Variants in CFAP70 observed in about 807,000 individuals in gnomAD.
The protein encoded by CFAP70 is cilia and flagella associated protein 70.
Under a neutral mutation model 137.6 loss-of-function variants are expected in CFAP70, and 81 were observed. That is an observed-to-expected ratio of 0.59 (90% CI 0.49 to 0.71). The LOEUF (loss-of-function observed/expected upper bound fraction) is 0.71. Ranked by LOEUF, CFAP70 falls within the 30% of genes least tolerant of loss-of-function variation. The pLI, the probability that CFAP70 is intolerant of heterozygous loss-of-function variation, is 0.00. For missense variants in CFAP70, 976 were observed against 1,226.7 expected (o/e 0.80, Z 3.05); for synonymous variants, 382 against 423.6 (o/e 0.90, Z 1.20).
rs376287551 is a variant in CFAP70 at position 73,312,367 on chromosome 10, A to T, written c.1083+106T>A. 8.5e-4 allele frequency: 644 copies of T among 760,868 alleles called. 2 individuals carry two copies. The African/African-American group carries it at 8.5e-3, about 10-fold the overall frequency. 47.1% of individuals were successfully genotyped at this position (760,868 alleles called of 1,614,324 possible). On this transcript the variant is annotated intron_variant, in intron 10 of 26. Coordinates refer to ENST00000310715, the Ensembl canonical transcript of CFAP70. ...GTATCCCAGAACTTAAAGTAAAATT[A>T]AAAAAAAATGCAAACTAACATTGAT... is the stretch of plus-strand genomic sequence containing the variant.
At chr10:73,318,378 T>G (rs59571529) in intron 9 of CFAP70, among the ~76,000 whole-genome samples, 23,316 of 152,188 alleles carry the variant, frequency 0.15, 2,926 homozygotes, top group African/African-American at 0.32. Context: ...GAAAAAATGT[T>G]ATCATATTTA....
intron 12 of CFAP70, among the ~76,000 whole-genome samples, chr10:73,306,998 A>T (rs1426666994): frequency 6.6e-6 from 1 of 152,190 alleles, no homozygotes; most frequent in East Asian, 1.9e-4. Context: ...TTGATGACAA[A>T]TGCATAAAAT....
chr10:73,332,109 C>T (rs1458967111), intron 7 of CFAP70, among the ~76,000 whole-genome samples: 1 of 152,194 alleles, frequency 6.6e-6, no homozygotes, highest in African/African-American at 2.4e-5. Context: ...CACAGAGGAT[C>T]ACAGCTGCAG....
Position 73,312,789 on chromosome 10 carries a change from G to T in CFAP70, c.913-146C>A, listed in dbSNP as rs1209066846. 4 of 696,488 alleles carry T rather than the reference G, an allele frequency of 5.7e-6. No homozygotes were observed. In the Admixed American group the frequency reaches 1.3e-4, roughly 22 times the overall value. 43.1% of individuals were successfully genotyped at this position (696,488 alleles called of 1,614,324 possible). ...GAGAAGGGACTTGAAAGACTTCATT[G>T]TATTTCCCTCCTTCTAGAACAGGTA... On this transcript the variant is annotated intron_variant, in intron 9 of 26. Transcript: ENST00000310715.
At chr10:73,294,478 T>C (rs2048391912) in intron 15 of CFAP70, 1 of 152,202 alleles carries the variant, frequency 6.6e-6, no homozygotes, top group South Asian at 2.1e-4. Flanking sequence ...ATCTGACTTC[T>C]TCATTCCAAG....
intron 1 of CFAP70, 33 bp from the exon 2 acceptor site, chr10:73,354,868 T>G: frequency 1.5e-6 from 2 of 1,301,256 alleles, no homozygotes; most frequent in Non-Finnish European, 2.2e-6. Context: ...TGTCCCCTCA[T>G]GTACCACAGC....
chr10:73,362,820 T>C (rs1163781975), upstream of CFAP70, among the ~76,000 whole-genome samples: 1 of 152,032 alleles, frequency 6.6e-6, no homozygotes. Context: ...CTAGAAGTAG[T>C]GAAAGTGGCT....
At position 73,354,719 on chromosome 10, in the gene CFAP70, CA is replaced by C. The variant is rs1338821668; in HGVS notation, c.63+14del. 1.9e-6 allele frequency: 3 copies of C among 1,612,834 alleles called. No individual in the cohort carries two copies. In the Admixed American group the frequency reaches 5.0e-5, roughly 27 times the overall value. ...CAAACTAAGGATTTTTGTAAATTTCCAAAAGTAACTTTACCAAATCATATCC... is the reference window on the plus strand; with the variant it reads ...CAAACTAAGGATTTTTGTAAATTTCCAAAGTAACTTTACCAAATCATATCC... On this transcript the variant is annotated intron_variant, in intron 2 of 26. Coordinates refer to ENST00000310715, the Ensembl canonical transcript of CFAP70.
intron 19 of CFAP70, among the ~76,000 whole-genome samples, chr10:73,279,901 G>A (rs1017489740): frequency 7.9e-5 from 12 of 151,358 alleles, no homozygotes; most frequent in Admixed American, 4.0e-4. Flanking sequence ...AAAAATTGCC[G>A]TTTATTGGAA....
intron 9 of CFAP70, among the ~76,000 whole-genome samples, chr10:73,316,493 T>TATAG (rs938984161): frequency 2.3e-5 from 3 of 128,764 alleles, no homozygotes; most frequent in African/African-American, 6.2e-5. Flanking sequence ...TATAGATATA[T>TATAG]ATATATATAT....
intron 8 of CFAP70, among the ~76,000 whole-genome samples, chr10:73,324,981 G>C (rs2051254710): frequency 2.0e-5 from 3 of 152,286 alleles, no homozygotes; most frequent in Non-Finnish European, 1.5e-5. Context: ...AGGAAATACA[G>C]AGAATGCCAC....
At chr10:73,286,643 G>A (rs1206157404) in intron 19 of CFAP70, among the ~76,000 whole-genome samples, 14 of 152,106 alleles carry the variant, frequency 9.2e-5, no homozygotes, top group Admixed American at 9.2e-4. Flanking sequence ...TAGTTGCCAA[G>A]GCCAGCTCGG....
chr10:73,339,863 G>A (rs1589552387), intron 6 of CFAP70, among the ~76,000 whole-genome samples: 1 of 152,196 alleles, frequency 6.6e-6, no homozygotes, highest in Admixed American at 6.5e-5. Flanking sequence ...GCTTCCCGAA[G>A]CACCATAACT....
intron 8 of CFAP70, among the ~76,000 whole-genome samples, chr10:73,324,202 C>T (rs61865822): frequency 0.046 from 6,955 of 152,276 alleles, 488 homozygotes; most frequent in African/African-American, 0.15. Flanking sequence ...CTGCAGCCAC[C>T]GCTGCTGATA....
chr10:73,357,157 T>G (rs545950629), intron 1 of CFAP70, among the ~76,000 whole-genome samples: 2 of 152,344 alleles, frequency 1.3e-5, no homozygotes, highest in African/African-American at 4.8e-5. Flanking sequence ...GGAAATTAAC[T>G]GATTATAGCC....
chr10:73,277,421 T>C (rs1292361825), intron 20 of CFAP70, 60 bp from the exon 22 acceptor site: 7 of 1,580,578 alleles, frequency 4.4e-6, no homozygotes, highest in Non-Finnish European at 5.2e-6. Context: ...TGTCAGAAAT[T>C]CAGACACATT....
At chr10:73,350,128 C>A (rs192572030) in intron 3 of CFAP70, among the ~76,000 whole-genome samples, 1 of 152,202 alleles carries the variant, frequency 6.6e-6, no homozygotes, top group African/African-American at 2.4e-5. Context: ...AACAGTCCCC[C>A]CTTTCCACAT....
intron 19 of CFAP70, among the ~76,000 whole-genome samples, chr10:73,283,786 G>A (rs1321411813): frequency 1.3e-5 from 2 of 151,940 alleles, no homozygotes; most frequent in African/African-American, 4.8e-5. Flanking sequence ...CAAACTCCTG[G>A]CCTCAAGCGA....
chr10:73,316,463 G>GATATAT (rs56896753), intron 9 of CFAP70, among the ~76,000 whole-genome samples: 3 of 128,140 alleles, frequency 2.3e-5, no homozygotes, highest in Non-Finnish European at 3.3e-5. Flanking sequence ...CCTTTGTTGA[G>GATATAT]ATATATATAT....
Sources: allele counts gnomAD v4.1 joint callset (sites outside exome capture counted in the v4.1 genomes callset), GRCh38; gene constraint gnomAD v4.1.1; transcripts MANE v1.5; gene names NCBI Gene and HGNC (gene_info 2026-07-23, HGNC 2026-07-21).